Variants in ADAMTS3 observed in about 807,000 individuals in gnomAD.
The protein encoded by ADAMTS3 is ADAM metallopeptidase with thrombospondin type 1 motif 3.
In ADAMTS3, 73 loss-of-function variants were observed where a neutral mutation model predicts 129.0. That is an observed-to-expected ratio of 0.57 (90% CI 0.47 to 0.69). The LOEUF (loss-of-function observed/expected upper bound fraction) is 0.69. Ranked by LOEUF, ADAMTS3 falls within the 30% of genes least tolerant of loss-of-function variation. The pLI is 0.00. For synonymous variants in ADAMTS3, 477 were observed against 510.8 expected, an observed-to-expected ratio of 0.93 and a Z score of 0.89; for missense variants, 1,457 against 1,514.5, an observed-to-expected ratio of 0.96 and a Z score of 0.63.
intron 4 of ADAMTS3, among the ~76,000 whole-genome samples, chr4:72,414,065 G>T (rs573443051): frequency 4.1e-4 from 62 of 151,510 alleles, no homozygotes; most frequent in African/African-American, 1.2e-3. Context: ...TTCCCTAAAA[G>T]AAAACTCTAT....
chr4:72,363,407 T>C (rs1240437621), intron 4 of ADAMTS3, among the ~76,000 whole-genome samples: 2 of 152,096 alleles, frequency 1.3e-5, no homozygotes, highest in African/African-American at 4.8e-5. Flanking sequence ...ATATGCTGGA[T>C]AGGAACACTC....
chr4:72,296,501 T>G (rs1427387916), intron 18 of ADAMTS3, among the ~76,000 whole-genome samples: 1 of 152,052 alleles, frequency 6.6e-6, no homozygotes, highest in Non-Finnish European at 1.5e-5. Flanking sequence ...TATCCAAAAG[T>G]TGTAAGAAAA....
chr4:72,415,362 A>T (rs897265886), intron 3 of ADAMTS3, among the ~76,000 whole-genome samples: 2 of 152,004 alleles, frequency 1.3e-5, no homozygotes, highest in African/African-American at 2.4e-5. Context: ...AAAATAACCC[A>T]TTGTGGAGCA....
At position 72,511,185 on chromosome 4, in the gene ADAMTS3, G is replaced by C. The variant is rs530077341; in HGVS notation, c.504+37293C>G. On this transcript the variant is annotated intron_variant, in intron 3 of 21. Transcript: ENST00000286657. The stretch of plus-strand genomic sequence containing the variant: ...AAATTATGAAACTATTACAAGGAAA[G>C]ATTGGAGAAAATCTCCAGGATATTG... Among the ~76,000 whole-genome samples the C allele has an allele frequency of 2.0e-5, 3 of 152,126 alleles. No homozygotes were observed. The East Asian group carries it at 5.8e-4, about 29-fold the overall frequency.
rs565045231 is a variant in ADAMTS3, at chr4:72,508,731, AT to A, written c.504+39746del. Among the ~76,000 whole-genome samples the A allele has an allele frequency of 3.1e-3, 473 of 152,014 alleles. 5 individuals carry two copies. The highest frequency in any genetic ancestry group is 0.011 in the African/African-American group (460 of 41,516). ...GTTAACAAAAAATACGTACTGTATAATTTTTTTACCAAGTTAAATATGAGCC... is the reference window on the plus strand; with the variant it reads ...GTTAACAAAAAATACGTACTGTATAATTTTTTACCAAGTTAAATATGAGCC... On this transcript the variant is annotated intron_variant, in intron 3 of 21. Transcript: ENST00000286657.
At chr4:72,490,727 A>G (rs1450563275) in intron 3 of ADAMTS3, among the ~76,000 whole-genome samples, 2 of 151,788 alleles carry the variant, frequency 1.3e-5, no homozygotes, top group African/African-American at 4.8e-5. Flanking sequence ...ATACGTTTTA[A>G]TTAGTGTAGC....
chr4:72,493,352 TTTGA>T (rs1195174182), intron 3 of ADAMTS3, among the ~76,000 whole-genome samples: 1 of 151,998 alleles, frequency 6.6e-6, no homozygotes, highest in African/African-American at 2.4e-5. Context: ...AGTGATTTGC[TTTGA>T]TTTATTTTCT....
intron 3 of ADAMTS3, among the ~76,000 whole-genome samples, chr4:72,479,426 A>G (rs1315215223): frequency 6.6e-6 from 1 of 152,246 alleles, no homozygotes; most frequent in East Asian, 1.9e-4. Flanking sequence ...CAAACCTGAC[A>G]AAAACAAGCA....
chr4:72,472,809 T>G (rs1719112630), intron 3 of ADAMTS3, among the ~76,000 whole-genome samples: 1 of 152,160 alleles, frequency 6.6e-6, no homozygotes, highest in African/African-American at 2.4e-5. Context: ...TGTTGACAAT[T>G]GTAGAATGGC....
chr4:72,392,788 C>T (rs1721630903), intron 4 of ADAMTS3, among the ~76,000 whole-genome samples: 1 of 151,952 alleles, frequency 6.6e-6, no homozygotes, highest in Non-Finnish European at 1.5e-5. Flanking sequence ...TTTATTTTTA[C>T]TCTAAGTTAA....
At chr4:72,512,715 G>A (rs151035668) in intron 3 of ADAMTS3, among the ~76,000 whole-genome samples, 80 of 152,028 alleles carry the variant, frequency 5.3e-4, no homozygotes, top group African/African-American at 1.7e-3. Context: ...CATGCCCCCC[G>A]TAAATATATA....
intron 3 of ADAMTS3, among the ~76,000 whole-genome samples, chr4:72,503,319 C>A (rs894754892): frequency 6.6e-6 from 1 of 152,174 alleles, no homozygotes; most frequent in African/African-American, 2.4e-5. Flanking sequence ...CCACTCCCAG[C>A]CTTGACAGTA....
chr4:72,429,172 A>G (rs1224522140), intron 3 of ADAMTS3, among the ~76,000 whole-genome samples: 1 of 152,088 alleles, frequency 6.6e-6, no homozygotes, highest in African/African-American at 2.4e-5. Context: ...GAACTTTTGG[A>G]TGTTTATTCT....
intron 5 of ADAMTS3, among the ~76,000 whole-genome samples, chr4:72,326,255 A>T (rs185068214): frequency 2.2e-4 from 33 of 152,270 alleles, no homozygotes; most frequent in Admixed American, 1.7e-3. Flanking sequence ...TGTGGCAAAT[A>T]ACCAGCTGTC....
intron 4 of ADAMTS3, among the ~76,000 whole-genome samples, chr4:72,364,556 G>A (rs1720818534): frequency 6.6e-6 from 1 of 151,742 alleles, no homozygotes; most frequent in African/African-American, 2.4e-5. Flanking sequence ...GGAGGTTGCA[G>A]TGAGCAGAGA....
intron 3 of ADAMTS3, among the ~76,000 whole-genome samples, chr4:72,519,692 C>A (rs1034502799): frequency 3.3e-5 from 5 of 152,208 alleles, no homozygotes; most frequent in Non-Finnish European, 5.9e-5. Context: ...GCTCCATCAG[C>A]TCCTTTAAGC....
intron 17 of ADAMTS3, among the ~76,000 whole-genome samples, chr4:72,303,224 C>G (rs1341104125): frequency 6.6e-6 from 1 of 152,072 alleles, no homozygotes; most frequent in African/African-American, 2.4e-5. Context: ...AGTTCCCTTG[C>G]CCTTCTCTCC....
rs1182642409 is a variant in ADAMTS3 at position 72,550,081 on chromosome 4, GGAAGAA to G, written c.98-1203_98-1198del. Among the ~76,000 whole-genome samples, 4 of 26,056 alleles carry G rather than the reference GGAAGAA, an allele frequency of 1.5e-4. 1 individual carries two copies. In the East Asian group the frequency reaches 3.9e-3, roughly 26 times the overall value. 17.1% of individuals were successfully genotyped at this position (26,056 alleles called of 152,430 possible). ...AGGAAGAGGAAGAGGAAGAGGAAGA[GGAAGAA>G]GAAGAAGAAGAAGAAGAAGAAGAAG... On this transcript the variant is annotated intron_variant, in intron 2 of 21. Coordinates refer to ENST00000286657, the MANE Select transcript of ADAMTS3 (RefSeq NM_014243.3).
chr4:72,350,054 A>G (rs1396247534), intron 4 of ADAMTS3, among the ~76,000 whole-genome samples: 1 of 152,076 alleles, frequency 6.6e-6, no homozygotes, highest in East Asian at 1.9e-4. Context: ...GAATACTATA[A>G]TTCCTAGTCC....
Sources: gnomAD v4.1 joint callset for allele counts (sites outside exome capture counted in the v4.1 genomes callset) on GRCh38, gnomAD v4.1.1 for gene constraint, MANE v1.5 for transcripts, NCBI Gene and HGNC (gene_info 2026-07-23, HGNC 2026-07-21) for gene names.